FGF12: variants seen among roughly 807,000 people sequenced by gnomAD.
FGF12 encodes fibroblast growth factor 12.
FGF12 carries 14 observed loss-of-function variants against 23.6 expected under a neutral mutation model. The ratio of observed to expected loss-of-function variants is 0.59; its 90% CI spans 0.39 to 0.93. The LOEUF is 0.93. Ranked by LOEUF, FGF12 falls within the 40% of genes least tolerant of loss-of-function variation. FGF12 has a pLI of 0.00. For synonymous variants in FGF12, 62 were observed against 77.3 expected, an observed-to-expected ratio of 0.80 and a Z score of 1.04; for missense variants, 175 against 217.8, an observed-to-expected ratio of 0.80 and a Z score of 1.24.
intron 2 of FGF12, among the ~76,000 whole-genome samples, chr3:192,703,493 T>C (rs1718370073): frequency 6.6e-6 from 1 of 152,224 alleles, no homozygotes; most frequent in African/African-American, 2.4e-5. Context: ...GGGATGGCTT[T>C]AGCAGTTCCT....
intron 2 of FGF12, among the ~76,000 whole-genome samples, chr3:192,681,493 T>C (rs1266057192): frequency 6.6e-6 from 1 of 152,156 alleles, no homozygotes; most frequent in African/African-American, 2.4e-5. Flanking sequence ...GTCGTGAGAT[T>C]CTAGGCGGCA....
At chr3:192,406,629 G>A (rs1381874160) in intron 2 of FGF12, among the ~76,000 whole-genome samples, 3 of 152,038 alleles carry the variant, frequency 2.0e-5, no homozygotes, top group Non-Finnish European at 2.9e-5. Flanking sequence ...CTCCTGTCTT[G>A]GGATCATAAT....
chr3:192,628,621 G>A (rs12106855), intron 2 of FGF12, among the ~76,000 whole-genome samples: 65,549 of 149,542 alleles, frequency 0.44, 14,950 homozygotes, highest in East Asian at 0.53. Flanking sequence ...AGGACACTGT[G>A]AGCCTGTGAT....
intron 2 of FGF12, among the ~76,000 whole-genome samples, chr3:192,526,653 C>G (rs1476843308): frequency 6.6e-6 from 1 of 152,146 alleles, no homozygotes; most frequent in South Asian, 2.1e-4. Context: ...ATTACTATTT[C>G]TGCCTTTCGC....
intron 2 of FGF12, among the ~76,000 whole-genome samples, chr3:192,647,694 T>C (rs1716057124): frequency 6.8e-6 from 1 of 147,060 alleles, no homozygotes; most frequent in African/African-American, 2.5e-5. Context: ...CATATATATG[T>C]ATATATGTGT....
chr3:192,582,935 T>G (rs1015767086), intron 2 of FGF12, among the ~76,000 whole-genome samples: 15 of 152,076 alleles, frequency 9.9e-5, no homozygotes, highest in African/African-American at 3.6e-4. Flanking sequence ...CATTCCTGGC[T>G]CTATAATTTG....
At chr3:192,599,852 GA>G (rs1207288564) in intron 2 of FGF12, among the ~76,000 whole-genome samples, 2 of 151,956 alleles carry the variant, frequency 1.3e-5, no homozygotes, top group Admixed American at 6.6e-5. Flanking sequence ...ACATTATAGA[GA>G]AAAAAAGTGT....
intron 2 of FGF12, among the ~76,000 whole-genome samples, chr3:192,462,513 T>C (rs1298261032): frequency 2.6e-5 from 4 of 152,132 alleles, no homozygotes; most frequent in African/African-American, 7.2e-5. Flanking sequence ...CCTCAGCAAA[T>C]ATGCCCCCTC....
intron 2 of FGF12, among the ~76,000 whole-genome samples, chr3:192,672,667 T>C (rs1443090023): frequency 6.6e-6 from 1 of 151,100 alleles, no homozygotes; most frequent in Non-Finnish European, 1.5e-5. Flanking sequence ...CTTCGTTTTG[T>C]TCCCTTTATT....
intron 4 of FGF12, among the ~76,000 whole-genome samples, chr3:192,170,979 CATTT>C (rs1320247488): frequency 2.0e-5 from 3 of 152,200 alleles, no homozygotes; most frequent in Non-Finnish European, 2.9e-5. Flanking sequence ...GGCCATTCCT[CATTT>C]ACTCACCCTT....
intron 2 of FGF12, among the ~76,000 whole-genome samples, chr3:192,719,787 A>G (rs902706489): frequency 2.0e-4 from 7 of 35,158 alleles, no homozygotes; most frequent in Non-Finnish European, 2.9e-4. Flanking sequence ...GACTAAGGGC[A>G]AAAAAAAAAA....
Position 192,267,582 on chromosome 3 carries a change from A to G in FGF12, c.228+67779T>C, listed in dbSNP as rs370866745. 1.1e-4 allele frequency among the ~76,000 whole-genome samples: 16 copies of G among 152,268 alleles called. No individual in the cohort carries two copies. In the South Asian group the frequency reaches 1.7e-3, roughly 16 times the overall value. ...TCTATCATCAATCTATCTGTCATCT[A>G]TCTACCTAAATTACCATTCAGTCCT... On this transcript the variant is annotated intron_variant, in intron 4 of 5. Transcript: ENST00000445105.
At chr3:192,531,424 GA>G (rs1049314914) in intron 2 of FGF12, among the ~76,000 whole-genome samples, 2 of 151,012 alleles carry the variant, frequency 1.3e-5, no homozygotes, top group Non-Finnish European at 3.0e-5. Flanking sequence ...GTGGCAAAAA[GA>G]AAAAAGAAAG....
intron 2 of FGF12, among the ~76,000 whole-genome samples, chr3:192,445,664 G>A (rs1421068498): frequency 6.6e-6 from 1 of 151,998 alleles, no homozygotes; most frequent in African/African-American, 2.4e-5. Flanking sequence ...TCTTTCCATG[G>A]GCTTTCAGAA....
intron 2 of FGF12, among the ~76,000 whole-genome samples, chr3:192,655,926 G>A (rs1716394598): frequency 6.7e-6 from 1 of 150,366 alleles, no homozygotes; most frequent in Non-Finnish European, 1.5e-5. Context: ...GAAGCCATAG[G>A]AAAAGAAGCT....
intron 2 of FGF12, among the ~76,000 whole-genome samples, chr3:192,706,773 T>C (rs1718486831): frequency 6.6e-6 from 1 of 152,154 alleles, no homozygotes; most frequent in Admixed American, 6.5e-5. Context: ...TTACAACATA[T>C]CTAGTTTTCT....
chr3:192,469,719 T>A (rs1438811656), intron 2 of FGF12, among the ~76,000 whole-genome samples: 1 of 152,208 alleles, frequency 6.6e-6, no homozygotes, highest in African/African-American at 2.4e-5. Context: ...TGTTTGTAGT[T>A]GTGGAAACTG....
chr3:192,163,854 T>TG (rs1230107744), intron 5 of FGF12, among the ~76,000 whole-genome samples: 1 of 150,792 alleles, frequency 6.6e-6, no homozygotes. Flanking sequence ...TGTGTGTGTG[T>TG]TAGTACTGTC....
intron 4 of FGF12, among the ~76,000 whole-genome samples, chr3:192,250,854 A>G (rs930992508): frequency 3.3e-5 from 5 of 152,158 alleles, no homozygotes; most frequent in African/African-American, 1.2e-4. Flanking sequence ...ATTTAAAATC[A>G]AACATAGAAG....
Sources: allele counts gnomAD v4.1 joint callset (sites outside exome capture counted in the v4.1 genomes callset), GRCh38; gene constraint gnomAD v4.1.1; transcripts MANE v1.5; gene names NCBI Gene and HGNC (gene_info 2026-07-23, HGNC 2026-07-21).